TECRL: variants seen among roughly 807,000 people sequenced by gnomAD.
The protein encoded by TECRL is trans-2,3-enoyl-CoA reductase-like.
TECRL carries 63 observed loss-of-function variants against 52.8 expected under a neutral mutation model. That is an observed-to-expected ratio of 1.19 (90% confidence interval 0.97 to 1.47). TECRL has a LOEUF of 1.47. TECRL is among the 40% of genes most tolerant of loss of function. The pLI is 0.00. For synonymous variants in TECRL, 164 were observed against 141.9 expected (o/e 1.16, Z -1.10); for missense variants, 482 against 429.6 (o/e 1.12, Z -1.08).
chr4:64,291,750 C>A (rs1435850147), intron 8 of TECRL, among the ~76,000 whole-genome samples: 2 of 151,460 alleles, frequency 1.3e-5, no homozygotes, highest in Non-Finnish European at 3.0e-5. Context: ...ATAATAACAC[C>A]AAATTTTTCA....
chr4:64,366,728 T>C (rs985543015), intron 2 of TECRL, among the ~76,000 whole-genome samples: 2 of 152,124 alleles, frequency 1.3e-5, no homozygotes, highest in African/African-American at 2.4e-5. Context: ...AAAATGGCTA[T>C]TGTTAAAAAG....
intron 5 of TECRL, among the ~76,000 whole-genome samples, chr4:64,311,730 T>C (rs1299464099): frequency 6.6e-6 from 1 of 152,198 alleles, no homozygotes; most frequent in Non-Finnish European, 1.5e-5. Flanking sequence ...TATTTCAAAA[T>C]ATTATTATTC....
At position 64,280,067 on chromosome 4, in the gene TECRL, T is replaced by A. The variant is rs775102562; in HGVS notation, c.*5A>T. Reference sequence around the variant, plus strand: ...CTGTTTTCTATAGGAGATAAGATTCTTTTTTTACAATATGAATGGAATCAT... The same window carrying A: ...CTGTTTTCTATAGGAGATAAGATTCATTTTTTACAATATGAATGGAATCAT... On this transcript the variant is annotated 3_prime_UTR_variant, in exon 12 of 12. Coordinates refer to ENST00000381210, the MANE Select transcript of TECRL (RefSeq NM_001010874.5). 2 of 1,585,036 alleles carry A rather than the reference T, an allele frequency of 1.3e-6. No individual in the cohort carries two copies. Among genetic ancestry groups the A allele is most frequent in the Non-Finnish European group, 1.7e-6 (2 of 1,167,260 alleles).
chr4:64,322,903 A>T (rs1718006492), intron 3 of TECRL, 111 bp from the exon 4 acceptor site: 1 of 758,906 alleles, frequency 1.3e-6, no homozygotes, highest in Admixed American at 3.2e-5. Flanking sequence ...TAATATGGAA[A>T]TTACAATGTA....
chr4:64,304,716 C>T (rs1412443728), intron 7 of TECRL, among the ~76,000 whole-genome samples: 1 of 151,898 alleles, frequency 6.6e-6, no homozygotes, highest in African/African-American at 2.4e-5. Context: ...TCATCTGAGT[C>T]AAGAGCCATG....
chr4:64,300,105 G>C (rs1723928319), intron 7 of TECRL, 88 bp from the exon 8 acceptor site: 2 of 955,862 alleles, frequency 2.1e-6, no homozygotes, highest in Non-Finnish European at 3.1e-6. Flanking sequence ...TATTTATTGG[G>C]TATAAATTCT....
intron 2 of TECRL, among the ~76,000 whole-genome samples, chr4:64,365,852 C>T (rs149997978): frequency 4.6e-5 from 7 of 152,112 alleles, no homozygotes; most frequent in African/African-American, 1.7e-4. Flanking sequence ...CTACCAATGA[C>T]ATGTTTTCAC....
intron 2 of TECRL, among the ~76,000 whole-genome samples, chr4:64,346,508 G>A (rs994020002): frequency 5.9e-5 from 9 of 152,244 alleles, no homozygotes; most frequent in African/African-American, 2.2e-4. Context: ...TCAACACCAC[G>A]TGCAAGCTGC....
At chr4:64,379,919 A>G (rs1024702807) in intron 1 of TECRL, among the ~76,000 whole-genome samples, 3 of 152,076 alleles carry the variant, frequency 2.0e-5, no homozygotes, top group African/African-American at 7.2e-5. Flanking sequence ...ATAAATACCC[A>G]GGGTGGAAGT....
At chr4:64,406,159 C>T (rs78522821) in intron 1 of TECRL, among the ~76,000 whole-genome samples, 87,524 of 149,678 alleles carry the variant, frequency 0.58, 28,743 homozygotes, top group Non-Finnish European at 0.73. Context: ...CGCGCGCGCG[C>T]GCGCGCGTGT....
chr4:64,330,912 G>A (rs995252558), intron 2 of TECRL, among the ~76,000 whole-genome samples: 8 of 151,902 alleles, frequency 5.3e-5, no homozygotes, highest in East Asian at 3.9e-4. Flanking sequence ...ATATAGACAC[G>A]CATATAACTA....
Position 64,281,075 on chromosome 4 carries a change from C to G in TECRL, c.930G>C (p.Trp310Cys), listed in dbSNP as rs747631311. The G allele has an allele frequency of 6.2e-7, 1 of 1,601,164 alleles. No individual in the cohort carries two copies. Among genetic ancestry groups the G allele is most frequent in the Non-Finnish European group, 8.5e-7 (1 of 1,171,872 alleles). ...CPNYTYEIGS[W>C]ISFTVMTQTL... The stretch of plus-strand genomic sequence containing the variant: ...TTTGTGTCATGACTGTGAAACTAAT[C>G]CATGATCCAATCTGTTATATTAAAA... Residue 310 changes from tryptophan to cysteine, a missense_variant, in exon 11 of 12, where the codon TGG (tryptophan) becomes TGC (cysteine). By Grantham distance (215) the Trp-to-Cys change is radical. Coordinates refer to ENST00000381210, the MANE Select transcript of TECRL (RefSeq NM_001010874.5).
In TECRL at chr4:64,350,722, C is replaced by T. The variant is rs73230414; in HGVS notation, c.287-22166G>A. Reference sequence around the variant, plus strand: ...TTTGCCAGCGGACTGCCTTTTAACTCGAACAGCAATTTTTCCCTGAGTCTC... The same window carrying T: ...TTTGCCAGCGGACTGCCTTTTAACTTGAACAGCAATTTTTCCCTGAGTCTC... On this transcript the variant is annotated intron_variant, in intron 2 of 11. Transcript: ENST00000381210. Among the ~76,000 whole-genome samples the T allele has an allele frequency of 1.8e-3, 266 of 151,964 alleles. 1 individual carries two copies. Among genetic ancestry groups the T allele is most frequent in the African/African-American group, 6.3e-3 (260 of 41,482 alleles).
intron 2 of TECRL, among the ~76,000 whole-genome samples, chr4:64,345,823 T>C (rs1403639245): frequency 7.0e-6 from 1 of 142,074 alleles, no homozygotes; most frequent in East Asian, 2.2e-4. Flanking sequence ...TGGTTGCAGG[T>C]AATCTTTTCC....
chr4:64,321,067 G>A (rs2110026978), intron 4 of TECRL, among the ~76,000 whole-genome samples: 1 of 152,014 alleles, frequency 6.6e-6, no homozygotes, highest in South Asian at 2.1e-4. Flanking sequence ...TAGAACATTG[G>A]CAGCTTCTTT....
chr4:64,360,060 A>T (rs1294333240), intron 2 of TECRL, among the ~76,000 whole-genome samples: 1 of 152,194 alleles, frequency 6.6e-6, no homozygotes, highest in Non-Finnish European at 1.5e-5. Flanking sequence ...GAACTTCAAA[A>T]CAGAAAACGA....
At chr4:64,390,726 C>T (rs1384711) in intron 1 of TECRL, among the ~76,000 whole-genome samples, 1 of 151,672 alleles carries the variant, frequency 6.6e-6, no homozygotes, top group African/African-American at 2.4e-5. Flanking sequence ...AATCTACTGA[C>T]GTAAAGAAAC....
intron 1 of TECRL, among the ~76,000 whole-genome samples, chr4:64,395,032 C>A (rs900139834): frequency 1.4e-4 from 21 of 150,864 alleles, no homozygotes; most frequent in African/African-American, 5.1e-4. Flanking sequence ...TCTGCCTCAA[C>A]CTCCTGAGTA....
chr4:64,394,870 T>A (rs1723809775), intron 1 of TECRL, among the ~76,000 whole-genome samples: 1 of 150,858 alleles, frequency 6.6e-6, no homozygotes, highest in African/African-American at 2.4e-5. Flanking sequence ...GAAATATAAA[T>A]ATTTTCCTAA....
Sources: allele counts gnomAD v4.1 joint callset (sites outside exome capture counted in the v4.1 genomes callset), GRCh38; gene constraint gnomAD v4.1.1; transcripts MANE v1.5; gene names NCBI Gene and HGNC (gene_info 2026-07-23, HGNC 2026-07-21).